The following PTPRB variants were observed in gnomAD, a reference collection of about 807,000 sequenced individuals.
PTPRB encodes protein tyrosine phosphatase receptor type B.
A neutral mutation model predicts 238.1 loss-of-function variants in PTPRB; 97 were observed. That is an observed-to-expected ratio of 0.41 (90% confidence interval 0.35 to 0.48). The LOEUF (loss-of-function observed/expected upper bound fraction) is 0.48. PTPRB is among the 20% of genes least tolerant of loss of function. The pLI is 0.30. For synonymous variants in PTPRB, 970 were observed against 995.4 expected (o/e 0.97, Z 0.48); for missense variants, 2,292 against 2,681.9 (o/e 0.85, Z 3.21).
chr12:70,583,619 C>T (rs1044282834), intron 9 of PTPRB, among the ~76,000 whole-genome samples: 1 of 152,104 alleles, frequency 6.6e-6, no homozygotes, highest in Admixed American at 6.6e-5. Flanking sequence ...ACAACTTCAG[C>T]CTTCTTAATA....
At position 70,596,336 on chromosome 12, in the gene PTPRB, C is replaced by G; in HGVS notation, c.980-9G>C. 1 of 1,387,680 alleles carries G rather than the reference C, an allele frequency of 7.2e-7. No individual in the cohort carries two copies. The highest frequency in any genetic ancestry group is 1.7e-5 in the South Asian group (1 of 57,822). The allele number at this position is 1,387,680 out of a possible 1,614,324, so 86.0% of individuals were successfully genotyped here. A position where few individuals can be genotyped will look rare whatever the true frequency, so the allele number is the denominator to read the frequency against. On this transcript the variant is annotated splice_polypyrimidine_tract_variant and intron_variant, in intron 4 of 33. Transcript: ENST00000334414. ...AGCAGGAGGTAAAGGATCTGCAAGGCAAATACACACACACACACAAAAAAA... is the reference window on the plus strand; with the variant it reads ...AGCAGGAGGTAAAGGATCTGCAAGGGAAATACACACACACACACAAAAAAA...
rs1444410331 is a variant in PTPRB at position 70,540,804 on chromosome 12, C to G, written c.5594+54G>C. The G allele has an allele frequency of 2.4e-5, 31 of 1,311,920 alleles. No homozygotes were observed. The East Asian group carries it at 7.5e-4, about 32-fold the overall frequency. 81.3% of individuals were successfully genotyped at this position (1,311,920 alleles called of 1,614,324 possible). On this transcript the variant is annotated intron_variant, in intron 23 of 33. Coordinates refer to ENST00000334414, the MANE Select transcript of PTPRB (RefSeq NM_001109754.4). The stretch of plus-strand genomic sequence containing the variant: ...TAGTTTTCAGCCTAAAGGGAATTTT[C>G]AGTTGCATTTTTAAAGTTGTGGGTC...
At position 70,609,727 on chromosome 12, in the gene PTPRB, C is replaced by A. The variant is rs774968807; in HGVS notation, c.709-388G>T. 4 of 1,529,254 alleles carry A rather than the reference C, an allele frequency of 2.6e-6. 1 individual carries two copies. The South Asian group carries it at 4.8e-5, about 18-fold the overall frequency. 94.7% of individuals were successfully genotyped at this position (1,529,254 alleles called of 1,614,324 possible). ...AATTTGGTTTTCGGCGGGGAGGGGG[C>A]GCATCAGCTCTGACCCCTTCTCGGG... On this transcript the variant is annotated intron_variant, in intron 3 of 33. Transcript: ENST00000334414.
At chr12:70,554,728 AT>A (rs1389121154) in intron 20 of PTPRB, among the ~76,000 whole-genome samples, 1 of 152,180 alleles carries the variant, frequency 6.6e-6, no homozygotes. Context: ...CAGTTGAGGC[AT>A]TTGAGACAGG....
chr12:70,557,433 C>A (rs1401321933), intron 18 of PTPRB, among the ~76,000 whole-genome samples: 1 of 152,184 alleles, frequency 6.6e-6, no homozygotes, highest in African/African-American at 2.4e-5. Flanking sequence ...CCACCATAAT[C>A]ATTCCTCATG....
chr12:70,635,614 C>A (rs1885647187), intron 2 of PTPRB, 57 bp downstream of exon 2: 3 of 1,530,694 alleles, frequency 2.0e-6, no homozygotes, highest in Admixed American at 2.0e-5. Flanking sequence ...ACAAACAAAA[C>A]CCCCAAGATA....
intron 4 of PTPRB, among the ~76,000 whole-genome samples, chr12:70,604,998 T>C (rs1883826956): frequency 6.6e-6 from 1 of 152,122 alleles, no homozygotes; most frequent in Non-Finnish European, 1.5e-5. Context: ...ACCAATACAA[T>C]AAGAAGTGGA....
chr12:70,624,635 A>G (rs1346517650), intron 2 of PTPRB, among the ~76,000 whole-genome samples: 1 of 152,178 alleles, frequency 6.6e-6, no homozygotes, highest in Non-Finnish European at 1.5e-5. Context: ...ACATTTCTGT[A>G]TATGCAGATT....
chr12:70,635,848 G>T lies in PTPRB; in HGVS notation c.274C>A (p.Arg92=), dbSNP rs1396889536. ...AILDRCSQAP[R]WTCYDQEGFL... ...CCTTCCTGATCATAGCAGGTCCATC[G>T]GGGTGCCTGGGAACAGCGGTCCAAG... Residue 92 remains arginine, a synonymous_variant, in exon 2 of 34, where the codon CGA becomes AGA. Transcript: ENST00000334414. 1.9e-6 allele frequency: 3 copies of T among 1,613,482 alleles called. No individual in the cohort carries two copies. Among genetic ancestry groups the T allele is most frequent in the Non-Finnish European group, 2.5e-6 (3 of 1,179,722 alleles).
rs1882011945 is a variant in PTPRB at position 70,587,234 on chromosome 12, T to C, written c.2084A>G (p.His695Arg). 1 of 1,613,770 alleles carries C rather than the reference T, an allele frequency of 6.2e-7. No individual in the cohort carries two copies. Among genetic ancestry groups the C allele is most frequent in the South Asian group, 1.1e-5 (1 of 91,072 alleles). ...GATACTCAGTGAGGTTTCATTGGCA[T>C]GTTTGACACGAAGCTGGAGGACAGC... ...PLAVLQLRVK[H>R]ANETSLSIMW... Residue 695 changes from histidine (H) to arginine (R), a missense_variant, in exon 9 of 34, where the codon CAT becomes CGT. His to Arg is a conservative substitution (Grantham distance 29, BLOSUM62 0). Around this residue, in one of 4 missense-constraint regions of PTPRB, gnomAD observed 1,205 missense variants for 1,287.8 expected, o/e 0.94. Transcript: ENST00000334414.
chr12:70,635,342 A>G (rs1168278441), intron 2 of PTPRB, among the ~76,000 whole-genome samples: 1 of 152,224 alleles, frequency 6.6e-6, no homozygotes, highest in Non-Finnish European at 1.5e-5. Context: ...GTATATGCCT[A>G]CATCCATATT....
rs978577015 is a variant in PTPRB, at chr12:70,517,757, G to A, written c.*3732C>T. The A allele has an allele frequency of 5.3e-5, 8 of 152,170 alleles. No individual in the cohort carries two copies. The highest frequency in any genetic ancestry group is 2.1e-4 in the South Asian group (1 of 4,826). The allele number at this position is 152,170 out of a possible 1,614,324, so 9.4% of individuals were successfully genotyped here. On this transcript the variant is annotated 3_prime_UTR_variant, in exon 34 of 34. Transcript: ENST00000334414. ...TGTTTGTAAACTAAAACTCTAGAGC[G>A]TCTCAGAGTTTGGGCTCAGATACTA...
intron 18 of PTPRB, among the ~76,000 whole-genome samples, chr12:70,557,591 T>A (rs77822962): frequency 0.12 from 18,029 of 152,158 alleles, 1,464 homozygotes; most frequent in Non-Finnish European, 0.18. Flanking sequence ...CAGAGTTGTA[T>A]GAGCTCTTAA....
intron 29 of PTPRB, 139 bp from the exon 30 acceptor site, chr12:70,535,094 T>G (rs1873898746): frequency 1.0e-6 from 1 of 986,994 alleles, no homozygotes; most frequent in Non-Finnish European, 1.5e-6. Context: ...CTACTTTATA[T>G]TAACCTTCTC....
chr12:70,594,344 C>T lies in PTPRB; in HGVS notation c.1516+123G>A, dbSNP rs1053747274. 3 of 1,297,750 alleles carry T rather than the reference C, an allele frequency of 2.3e-6. No homozygotes were observed. The African/African-American group carries it at 4.5e-5, about 19-fold the overall frequency. 80.4% of individuals were successfully genotyped at this position (1,297,750 alleles called of 1,614,324 possible). A position where few individuals can be genotyped will look rare whatever the true frequency, so the allele number is the denominator to read the frequency against. The stretch of plus-strand genomic sequence containing the variant: ...TCTGAGTAGAAAAGTGGATATGGGT[C>T]TTCTATACCTTATAAGAATTTCAAT... On this transcript the variant is annotated intron_variant, in intron 6 of 33. Transcript: ENST00000334414.
intron 9 of PTPRB, chr12:70,585,445 G>A (rs754256444): frequency 6.6e-6 from 1 of 152,016 alleles, no homozygotes; most frequent in Non-Finnish European, 1.5e-5. Flanking sequence ...TAATCCCCAT[G>A]TGTCCAAGGA....
chr12:70,520,482 C>CCT lies in PTPRB; in HGVS notation c.*1006_*1007insAG. 1 of 204,798 alleles carries CCT rather than the reference C, an allele frequency of 4.9e-6. No homozygotes were observed. Among genetic ancestry groups the CCT allele is most frequent in the Non-Finnish European group, 1.0e-5 (1 of 99,422 alleles). 12.7% of individuals were successfully genotyped at this position (204,798 alleles called of 1,614,324 possible). A position where few individuals can be genotyped will look rare whatever the true frequency, so the allele number is the denominator to read the frequency against. ...GTAGTCATTTCTATGAAAATGTTGG[C>CCT]ATTAAGCCTTTTAATGAGGGGCACA... On this transcript the variant is annotated 3_prime_UTR_variant, in exon 34 of 34. Coordinates refer to ENST00000334414, the MANE Select transcript of PTPRB (RefSeq NM_001109754.4).
intron 23 of PTPRB, chr12:70,540,382 AAG>A: frequency 4.7e-6 from 1 of 213,674 alleles, no homozygotes; most frequent in East Asian, 1.1e-4. Flanking sequence ...AAAATTCACT[AAG>A]AGAAGAAGGC....
intron 28 of PTPRB, chr12:70,537,923 G>A (rs1247167988): frequency 4.5e-6 from 2 of 444,762 alleles, no homozygotes; most frequent in Admixed American, 7.9e-5. Context: ...GATGATCTAT[G>A]AAAATGCATC....
Sources: allele counts gnomAD v4.1 joint callset (sites outside exome capture counted in the v4.1 genomes callset), GRCh38; gene constraint gnomAD v4.1.1; regional missense constraint gnomAD v4.1.1; transcripts MANE v1.5; gene names NCBI Gene and HGNC (gene_info 2026-07-23, HGNC 2026-07-21).